Variants in PCDH11Y observed in about 807,000 individuals in gnomAD.
The protein encoded by PCDH11Y is protocadherin-11 Y-linked.
For missense variants in PCDH11Y, 12 were observed against 224.8 expected (o/e 0.05, Z 6.05); for synonymous variants, 9 against 83.6 (o/e 0.11, Z 4.87).
intron 4 of PCDH11Y, among the ~76,000 whole-genome samples, chrY:5,667,141 T>A: frequency 7.1e-5 from 2 of 28,138 alleles, no homozygotes; most frequent in Non-Finnish European, 1.6e-4. Context: ...AATTTTAACA[T>A]CTATTAAAAT....
chrY:5,360,974 G>A, intron 2 of PCDH11Y, among the ~76,000 whole-genome samples: 1 of 33,330 alleles, frequency 3.0e-5, no homozygotes, highest in Non-Finnish European at 7.4e-5. Flanking sequence ...ATCTTGTAGA[G>A]TAGGAGTCAG....
At position 5,516,624 on chromosome Y, in the gene PCDH11Y, TTTTG is replaced by T. The variant is rs2053373099; in HGVS notation, c.3328+15397_3328+15400del. ...GATATGTGTCCGGGCATTTACGTTT[TTTTG>T]TTTGTTTGTTTGTTTGTTTGTTTGT... is the stretch of plus-strand genomic sequence containing the variant. On this transcript the variant is annotated intron_variant, in intron 3 of 4. Coordinates refer to the PCDH11Y transcript ENST00000400457. 1.5e-3 allele frequency among the ~76,000 whole-genome samples: 50 copies of T among 32,754 alleles called. No individual in the cohort carries two copies. In the East Asian group the frequency reaches 0.032, roughly 21 times the overall value. 87.9% of individuals were successfully genotyped at this position (32,754 alleles called of 37,273 possible).
At chrY:5,693,775 C>T in intron 4 of PCDH11Y, among the ~76,000 whole-genome samples, 1 of 32,523 alleles carries the variant, frequency 3.1e-5, no homozygotes, top group East Asian at 7.9e-4. Flanking sequence ...ATAATAAACC[C>T]GTCAGTTAAT....
At chrY:5,200,465 C>T (rs2052925528) in intron 2 of PCDH11Y, among the ~76,000 whole-genome samples, 1 of 32,502 alleles carries the variant, frequency 3.1e-5, no homozygotes. Flanking sequence ...CTTTGAGAGG[C>T]AGTCTTTAGG....
chrY:5,384,656 C>G (rs1602916254), intron 2 of PCDH11Y, among the ~76,000 whole-genome samples: 1 of 28,342 alleles, frequency 3.5e-5, no homozygotes, highest in South Asian at 8.4e-4. Flanking sequence ...AGTTTAAAGA[C>G]ATAATTGACT....
chrY:5,567,062 T>G, intron 3 of PCDH11Y, among the ~76,000 whole-genome samples: 2 of 29,344 alleles, frequency 6.8e-5, no homozygotes, highest in African/African-American at 1.3e-4. Context: ...TGAGATTATG[T>G]TTTTTTTTTT....
chrY:5,111,075 G>A (rs2052802176), intron 2 of PCDH11Y, among the ~76,000 whole-genome samples: 1 of 33,176 alleles, frequency 3.0e-5, no homozygotes. Flanking sequence ...CATTTATGAT[G>A]CTCAGATTAA....
intron 2 of PCDH11Y, among the ~76,000 whole-genome samples, chrY:5,224,580 A>T: frequency 3.1e-5 from 1 of 32,759 alleles, no homozygotes; most frequent in Non-Finnish European, 7.5e-5. Flanking sequence ...GGGTTTAAAA[A>T]CATGAGTCAA....
intron 1 of PCDH11Y, among the ~76,000 whole-genome samples, chrY:5,024,818 C>T (rs1602839194): frequency 1.6e-4 from 5 of 31,787 alleles, no homozygotes; most frequent in Non-Finnish European, 3.8e-4. Flanking sequence ...TTTCTAAACT[C>T]GGATTTCAAA....
At chrY:5,686,125 A>G in intron 4 of PCDH11Y, among the ~76,000 whole-genome samples, 1 of 33,412 alleles carries the variant, frequency 3.0e-5, no homozygotes, top group African/African-American at 1.2e-4. Context: ...TTCACCAGAG[A>G]TAAGAAGTGT....
chrY:5,324,990 G>T, intron 2 of PCDH11Y, among the ~76,000 whole-genome samples: 1 of 31,639 alleles, frequency 3.2e-5, no homozygotes, highest in Non-Finnish European at 7.6e-5. Flanking sequence ...AGTGGGGGTT[G>T]CGAGGTGCTC....
chrY:5,321,125 A>G, intron 2 of PCDH11Y, among the ~76,000 whole-genome samples: 1 of 32,666 alleles, frequency 3.1e-5, no homozygotes, highest in Non-Finnish European at 7.5e-5. Context: ...TGGGTAATTT[A>G]TAAAGAAAAA....
At chrY:5,165,565 A>C in intron 2 of PCDH11Y, among the ~76,000 whole-genome samples, 1 of 32,526 alleles carries the variant, frequency 3.1e-5, no homozygotes. Context: ...TGCTTTTATT[A>C]GAAGCAATGA....
At chrY:5,239,248 A>T in intron 2 of PCDH11Y, among the ~76,000 whole-genome samples, 2 of 33,983 alleles carry the variant, frequency 5.9e-5, no homozygotes, top group Non-Finnish European at 1.5e-4. Flanking sequence ...TGCAGTCATA[A>T]AAAATGATGA....
intron 4 of PCDH11Y, among the ~76,000 whole-genome samples, chrY:5,711,099 A>G: frequency 6.4e-5 from 1 of 15,630 alleles, no homozygotes; most frequent in Non-Finnish European, 1.4e-4. Flanking sequence ...AAATTAAAAG[A>G]AGGATCCATA....
At chrY:5,561,841 C>T (rs2053429034) in intron 3 of PCDH11Y, among the ~76,000 whole-genome samples, 2 of 28,449 alleles carry the variant, frequency 7.0e-5, no homozygotes, top group Admixed American at 6.6e-4. Flanking sequence ...TGAGCATATA[C>T]GCCACCAAGA....
chrY:5,705,998 G>A, intron 4 of PCDH11Y, among the ~76,000 whole-genome samples: 1 of 24,389 alleles, frequency 4.1e-5, no homozygotes, highest in Non-Finnish European at 9.7e-5. Flanking sequence ...CTCATTTATT[G>A]TTTTGAAAAG....
At chrY:5,275,422 A>G in intron 2 of PCDH11Y, among the ~76,000 whole-genome samples, 1 of 30,361 alleles carries the variant, frequency 3.3e-5, no homozygotes, top group Non-Finnish European at 7.9e-5. Context: ...CTGGAACCCC[A>G]TGTAGCTCCA....
At chrY:5,419,752 G>A in intron 2 of PCDH11Y, among the ~76,000 whole-genome samples, 1 of 31,821 alleles carries the variant, frequency 3.1e-5, no homozygotes, top group African/African-American at 1.2e-4. Flanking sequence ...TTCCTCAGTC[G>A]TATCGAATTT....
Sources: gnomAD v4.1 joint callset for allele counts (sites outside exome capture counted in the v4.1 genomes callset) on GRCh38, gnomAD v4.1.1 for gene constraint, MANE v1.5 for transcripts, NCBI Gene and HGNC (gene_info 2026-07-23, HGNC 2026-07-21) for gene names.